KNDC1: variants seen among roughly 807,000 people sequenced by gnomAD.
The protein encoded by KNDC1 is kinase non-catalytic C-lobe domain containing 1, also known as kinase non-catalytic C-lobe domain-containing protein 1.
In KNDC1, 106 loss-of-function variants were observed where a neutral mutation model predicts 172.8. The ratio of observed to expected loss-of-function variants is 0.61; its 90% CI spans 0.52 to 0.72. KNDC1 has a LOEUF of 0.72. Among genes scored for constraint, KNDC1 ranks in the 30% least tolerant of loss-of-function variants. KNDC1 has a pLI of 0.00. For synonymous variants in KNDC1, 1,083 were observed against 1,062.2 expected, an observed-to-expected ratio of 1.02 and a Z score of -0.38; for missense variants, 2,325 against 2,394.5, an observed-to-expected ratio of 0.97 and a Z score of 0.61.
chr10:133,181,861 C>CACACACACACACACACACACACACA (rs33923925), intron 3 of KNDC1, among the ~76,000 whole-genome samples: 2 of 151,400 alleles, frequency 1.3e-5, no homozygotes, highest in African/African-American at 2.4e-5. Context: ...CACACACACA[C>CACACACACACACACACACACACACA]CAGACTGTGG....
chr10:133,219,821 G>C, intron 28 of KNDC1, 134 bp from the exon 29 acceptor site: 3 of 864,948 alleles, frequency 3.5e-6, no homozygotes, highest in Non-Finnish European at 5.1e-6. Context: ...AGCTAATTCA[G>C]AGAGCCGGGT....
chr10:133,161,589 G>T (rs1234898843), intron 1 of KNDC1, among the ~76,000 whole-genome samples: 2 of 152,090 alleles, frequency 1.3e-5, no homozygotes, highest in African/African-American at 4.8e-5. Context: ...GGAGGCCCTC[G>T]GCCCAGCCAC....
chr10:133,197,304 A>G (rs1410827278), intron 11 of KNDC1, among the ~76,000 whole-genome samples, 169 bp downstream of exon 11: 2 of 150,610 alleles, frequency 1.3e-5, no homozygotes, highest in Admixed American at 1.3e-4. Flanking sequence ...CTCGAGTCCC[A>G]TCTAAAGGCC....
In KNDC1 at chr10:133,212,704, C is replaced by T. The variant is rs1845392914; in HGVS notation, c.4237-12C>T. 6.2e-7 allele frequency: 1 copy of T among 1,610,588 alleles called. No homozygotes were observed. Among genetic ancestry groups the T allele is most frequent in the Non-Finnish European group, 8.5e-7 (1 of 1,178,780 alleles). The stretch of plus-strand genomic sequence containing the variant: ...GGAGCTTAGGCCCCTCAGTGCCCGG[C>T]CTGCCCTGCAGAGCTTCCCCTGGAG... On this transcript the variant is annotated splice_polypyrimidine_tract_variant and intron_variant, in intron 23 of 29. Transcript: ENST00000304613.
chr10:133,166,802 G>A (rs904269816), intron 1 of KNDC1, among the ~76,000 whole-genome samples: 5 of 152,086 alleles, frequency 3.3e-5, no homozygotes, highest in African/African-American at 7.2e-5. Flanking sequence ...GAGCCCTCGC[G>A]GAGTCCAGGA....
intron 16 of KNDC1, 47 bp from the exon 17 acceptor site, chr10:133,201,454 G>T (rs761707460): frequency 6.5e-7 from 1 of 1,534,816 alleles, no homozygotes; most frequent in Non-Finnish European, 8.8e-7. Flanking sequence ...CCCGGGCTCC[G>T]CCCACAGGAG....
At position 133,195,330 on chromosome 10, in the gene KNDC1, A is replaced by G. The variant is rs140661798; in HGVS notation, c.1576-333A>G. Reference sequence around the variant, plus strand: ...CTCCCGGGTCCGTGAGGTGGGGGCTATGCTGGCCAGTTCTCCTCAAACCCT... The same window carrying G: ...CTCCCGGGTCCGTGAGGTGGGGGCTGTGCTGGCCAGTTCTCCTCAAACCCT... On this transcript the variant is annotated intron_variant, in intron 9 of 29. Coordinates refer to ENST00000304613, the MANE Select transcript of KNDC1 (RefSeq NM_152643.8). Among the ~76,000 whole-genome samples, 384 of 152,282 alleles carry G rather than the reference A, an allele frequency of 2.5e-3. 1 individual carries two copies. The highest frequency in any genetic ancestry group is 8.7e-3 in the African/African-American group (360 of 41,562).
Position 133,219,994 on chromosome 10 carries a change from C to A in KNDC1, c.4900C>A (p.Arg1634=). Residue 1634 remains arginine (R), a synonymous_variant, in exon 29 of 30, where the codon CGG becomes AGG. Coordinates refer to ENST00000304613, the MANE Select transcript of KNDC1 (RefSeq NM_152643.8). ...CGACAGCCTGTGTCTGATGGAAGGG[C>A]GGCGCTTCCGGGCGCAGCCCACCCT... ...KSDSLCLMEG[R]RFRAQPTLPS... 1 of 1,553,202 alleles carries A rather than the reference C, an allele frequency of 6.4e-7. No individual in the cohort carries two copies. The highest frequency in any genetic ancestry group is 1.4e-5 in the African/African-American group (1 of 73,510).
At chr10:133,183,548 C>G (rs1853790240) in intron 4 of KNDC1, 58 bp downstream of exon 4, 1 of 1,514,240 alleles carries the variant, frequency 6.6e-7, no homozygotes, top group African/African-American at 1.4e-5. Flanking sequence ...CAGGCCTGGA[C>G]ACCGTGTGCT....
At chr10:133,167,929 G>A (rs561923843) in intron 2 of KNDC1, among the ~76,000 whole-genome samples, 144 of 152,316 alleles carry the variant, frequency 9.5e-4, no homozygotes, top group East Asian at 5.2e-3. Context: ...ACGCAGGCCC[G>A]GGAGGGTGGG....
chr10:133,225,097 C>T lies in KNDC1; in HGVS notation c.*207C>T. 2 of 585,184 alleles carry T rather than the reference C, an allele frequency of 3.4e-6. No individual in the cohort carries two copies. The highest frequency in any genetic ancestry group is 2.8e-5 in the East Asian group (1 of 35,130). 36.2% of individuals were successfully genotyped at this position (585,184 alleles called of 1,614,324 possible). ...TCCCAGCAGACGGAGCCAGGACGGG[C>T]ACAAGAGTCTTGGAGGTTTGCGTGT... On this transcript the variant is annotated 3_prime_UTR_variant, in exon 30 of 30. Coordinates refer to ENST00000304613, the MANE Select transcript of KNDC1 (RefSeq NM_152643.8).
chr10:133,208,685 C>A (rs1347557327), intron 20 of KNDC1, among the ~76,000 whole-genome samples: 1 of 152,230 alleles, frequency 6.6e-6, no homozygotes, highest in Non-Finnish European at 1.5e-5. Context: ...TCTCAGCCTC[C>A]TCAACTGCAA....
rs1845417766 is a variant in KNDC1, at chr10:133,213,677, C to T, written c.4476C>T (p.Phe1492=). The T allele has an allele frequency of 6.2e-7, 1 of 1,614,006 alleles. No individual in the cohort carries two copies. The highest frequency in any genetic ancestry group is 1.1e-5 in the South Asian group (1 of 91,082). Residue 1492 remains phenylalanine (F), a synonymous_variant, in exon 25 of 30, where the codon TTC becomes TTT. Transcript: ENST00000304613. The part of the protein sequence containing the change: ...ELFQKCHPVH[F]LNSRALGVMD... ...TTCAAAAGTGCCACCCGGTCCACTT[C>T]CTGAACTCACGGGCCCTGGGCGTCA... is the stretch of plus-strand genomic sequence containing the variant.
chr10:133,220,946 CCTCACTTGGCA>C (rs1307297524), intron 29 of KNDC1, among the ~76,000 whole-genome samples: 3 of 152,070 alleles, frequency 2.0e-5, no homozygotes, highest in South Asian at 2.1e-4. Flanking sequence ...GTACCTTGCC[CCTCACTTGGCA>C]CTCACAGCCT....
At chr10:133,201,406 G>C in intron 16 of KNDC1, 95 bp from the exon 17 acceptor site, 3 of 1,326,912 alleles carry the variant, frequency 2.3e-6, no homozygotes, top group Non-Finnish European at 3.1e-6. Flanking sequence ...GAAGGGCGTC[G>C]GGTGTGCAAG....
chr10:133,167,749 C>A (rs1025948648), intron 2 of KNDC1, among the ~76,000 whole-genome samples, 170 bp downstream of exon 2: 1 of 151,896 alleles, frequency 6.6e-6, no homozygotes, highest in Non-Finnish European at 1.5e-5. Flanking sequence ...GGAGAGTGGC[C>A]GAGGGTCCGT....
chr10:133,208,229 G>A (rs539864218), intron 20 of KNDC1, among the ~76,000 whole-genome samples: 6 of 148,612 alleles, frequency 4.0e-5, no homozygotes, highest in South Asian at 4.3e-4. Flanking sequence ...CCCCAACCCC[G>A]TTACCCCAAG....
chr10:133,200,526 C>T (rs1854332960), intron 16 of KNDC1, 66 bp downstream of exon 16: 11 of 1,221,392 alleles, frequency 9.0e-6, no homozygotes, highest in South Asian at 7.0e-5. Flanking sequence ...CTCTGCAATG[C>T]GGGGGGCGCC....
At chr10:133,215,662 C>A (rs1157065978) in intron 26 of KNDC1, among the ~76,000 whole-genome samples, 4 of 152,284 alleles carry the variant, frequency 2.6e-5, no homozygotes, top group Non-Finnish European at 4.4e-5. Flanking sequence ...CAACCCACAT[C>A]GTCCTGGGCG....
Sources: allele counts gnomAD v4.1 joint callset (sites outside exome capture counted in the v4.1 genomes callset), GRCh38; gene constraint gnomAD v4.1.1; transcripts MANE v1.5; gene names NCBI Gene and HGNC (gene_info 2026-07-23, HGNC 2026-07-21).